The following GNG7 variants were observed in gnomAD, a reference collection of about 807,000 sequenced individuals.
The protein encoded by GNG7 is G protein subunit gamma 7.
GNG7 carries 1 observed loss-of-function variant against 4.0 expected under a neutral mutation model. The observed-to-expected ratio is 0.25, with a 90% confidence interval of 0.09 to 1.18. GNG7 has a LOEUF of 1.18. Ranked by LOEUF, GNG7 falls within the 50% of genes most tolerant of loss-of-function variation. The pLI is 0.50. For synonymous variants in GNG7, 34 were observed against 36.9 expected, an observed-to-expected ratio of 0.92 and a Z score of 0.29; for missense variants, 86 against 91.9, an observed-to-expected ratio of 0.94 and a Z score of 0.26.
intron 3 of GNG7, chr19:2,538,027 T>C (rs1978801627): frequency 2.4e-6 from 1 of 414,434 alleles, no homozygotes; most frequent in African/African-American, 2.1e-5. Context: ...TAGTGAGCTA[T>C]GATTGCGCCA....
At chr19:2,665,255 C>T (rs1983276360) in intron 1 of GNG7, among the ~76,000 whole-genome samples, 1 of 152,082 alleles carries the variant, frequency 6.6e-6, no homozygotes, top group Admixed American at 6.6e-5. Flanking sequence ...CCGTCCTGAG[C>T]ACTGCAGCAC....
At chr19:2,596,868 A>T (rs1287379797) in intron 2 of GNG7, among the ~76,000 whole-genome samples, 1 of 152,174 alleles carries the variant, frequency 6.6e-6, no homozygotes. Flanking sequence ...GTGAACATCA[A>T]TTCTTGGGGA....
chr19:2,591,419 G>A (rs1032781888), intron 2 of GNG7, among the ~76,000 whole-genome samples: 1 of 145,800 alleles, frequency 6.9e-6, no homozygotes, highest in Non-Finnish European at 1.5e-5. Context: ...AGATTTTCTA[G>A]TATGTCACTG....
chr19:2,681,587 G>A (rs1983737571), intron 1 of GNG7, among the ~76,000 whole-genome samples: 1 of 152,102 alleles, frequency 6.6e-6, no homozygotes, highest in South Asian at 2.1e-4. Flanking sequence ...CTTGCGCAGT[G>A]TTTGTGTGGA....
rs147622299 is a variant in GNG7 at position 2,512,135 on chromosome 19, TGA to T, written c.*2885_*2886del. 3,782 of 985,816 alleles carry T rather than the reference TGA, an allele frequency of 3.8e-3. 114 individuals are homozygous for T. In the African/African-American group the frequency reaches 0.058, roughly 15 times the overall value. 61.1% of individuals were successfully genotyped at this position (985,816 alleles called of 1,614,324 possible). ...TAACTCTCTTTTCCCCTGGCGTAGC[TGA>T]GAGAGGCTTGTCCCCCCAAGGCTAG... On this transcript the variant is annotated 3_prime_UTR_variant, in exon 5 of 5. Transcript: ENST00000382159. The surrounding 1 kb of genome is among the most constrained non-coding windows in gnomAD (Gnocchi z 4.7).
At chr19:2,663,698 A>G (rs1285932672) in intron 1 of GNG7, among the ~76,000 whole-genome samples, 3 of 152,230 alleles carry the variant, frequency 2.0e-5, no homozygotes, top group African/African-American at 7.2e-5. Context: ...AGGGCAAATC[A>G]GAAGAATGAC....
At position 2,557,356 on chromosome 19, in the gene GNG7, G is replaced by A. The variant is rs894822146; in HGVS notation, c.-77-2168C>T. On this transcript the variant is annotated intron_variant, in intron 2 of 4. Transcript: ENST00000382159. The surrounding 1 kb of genome is among the most constrained non-coding windows in gnomAD (Gnocchi z 5.1). ...AGACACACACATGTGCACACACACA[G>A]ACACACACACACGTGCACGCACACA... Among the ~76,000 whole-genome samples the A allele has an allele frequency of 1.1e-5, 1 of 94,022 alleles. No homozygotes were observed. Among genetic ancestry groups the A allele is most frequent in the African/African-American group, 3.4e-5 (1 of 29,286 alleles). 61.7% of individuals were successfully genotyped at this position (94,022 alleles called of 152,430 possible).
chr19:2,642,636 G>A (rs1193327392), intron 2 of GNG7: 12 of 373,962 alleles, frequency 3.2e-5, no homozygotes, highest in South Asian at 2.0e-4. Context: ...CACTAGCAGG[G>A]ACTACAGGTG....
intron 2 of GNG7, among the ~76,000 whole-genome samples, chr19:2,603,226 C>T (rs547519793): frequency 2.1e-4 from 32 of 152,100 alleles, no homozygotes; most frequent in Non-Finnish European, 3.4e-4. Context: ...ACCACCATGC[C>T]TGGCTAATTT....
intron 1 of GNG7, among the ~76,000 whole-genome samples, chr19:2,662,770 G>A (rs1983212683): frequency 6.6e-6 from 1 of 152,054 alleles, no homozygotes; most frequent in South Asian, 2.1e-4. Flanking sequence ...ACTGGCCACT[G>A]GTCATCACCT....
intron 2 of GNG7, among the ~76,000 whole-genome samples, chr19:2,593,274 C>T (rs942740425): frequency 6.6e-6 from 1 of 151,864 alleles, no homozygotes; most frequent in South Asian, 2.1e-4. Context: ...CTCTGCCTCT[C>T]TTAAAAATGT....
chr19:2,655,944 G>A (rs1358608064), intron 1 of GNG7, among the ~76,000 whole-genome samples: 1 of 147,758 alleles, frequency 6.8e-6, no homozygotes, highest in Non-Finnish European at 1.5e-5. Flanking sequence ...AGAATCACTT[G>A]AACCTGGGAG....
At position 2,514,986 on chromosome 19, in the gene GNG7, AAGAG is replaced by A. The variant is rs758973520; in HGVS notation, c.*32_*35del. ...ACAGAGACAGAGAGAGAGAGAGAGA[AAGAG>A]AGAGAGAGAGAGAGAACATATGAGA... On this transcript the variant is annotated 3_prime_UTR_variant, in exon 5 of 5. Coordinates refer to ENST00000382159, the MANE Select transcript of GNG7 (RefSeq NM_052847.3). The A allele has an allele frequency of 2.0e-4, 213 of 1,049,342 alleles. No homozygotes were observed. The highest frequency in any genetic ancestry group is 9.5e-4 in the Middle Eastern group (4 of 4,230). 65.0% of individuals were successfully genotyped at this position (1,049,342 alleles called of 1,614,324 possible).
At chr19:2,542,367 C>T (rs939733518) in intron 3 of GNG7, among the ~76,000 whole-genome samples, 3 of 152,002 alleles carry the variant, frequency 2.0e-5, no homozygotes, top group Non-Finnish European at 4.4e-5. Flanking sequence ...CCACCCACCG[C>T]GGCCTCCCAA....
intron 1 of GNG7, among the ~76,000 whole-genome samples, chr19:2,694,714 G>A (rs1334329501): frequency 6.6e-6 from 1 of 152,064 alleles, no homozygotes; most frequent in East Asian, 1.9e-4. Context: ...CAGCAGGGCA[G>A]AGGATCATGG....
intron 2 of GNG7, among the ~76,000 whole-genome samples, chr19:2,587,122 T>C (rs1980698927): frequency 6.6e-6 from 1 of 151,728 alleles, no homozygotes; most frequent in African/African-American, 2.4e-5. Context: ...CCCCAGGGGC[T>C]AGGATCAGCC....
At chr19:2,601,668 C>T (rs1055413668) in intron 2 of GNG7, among the ~76,000 whole-genome samples, 3 of 151,396 alleles carry the variant, frequency 2.0e-5, no homozygotes, top group South Asian at 4.2e-4. Flanking sequence ...ATCCCAAGCA[C>T]GTTGGGAGGC....
At chr19:2,696,341 A>AGAAAGAAG (rs1913259230) in intron 1 of GNG7, among the ~76,000 whole-genome samples, 1 of 146,994 alleles carries the variant, frequency 6.8e-6, no homozygotes, top group Non-Finnish European at 1.5e-5. Context: ...AAAGAAAGAA[A>AGAAAGAAG]GAAAGAAAAG....
At chr19:2,535,955 A>G (rs2144741459) in intron 3 of GNG7, among the ~76,000 whole-genome samples, 1 of 151,876 alleles carries the variant, frequency 6.6e-6, no homozygotes, top group South Asian at 2.1e-4. Context: ...GTGAAACCCC[A>G]CCTGTACAAA....
Sources: gnomAD v4.1 joint callset for allele counts (sites outside exome capture counted in the v4.1 genomes callset) on GRCh38, gnomAD v4.1.1 for gene constraint, Gnocchi (gnomAD v3.1) non-coding constraint, MANE v1.5 for transcripts, NCBI Gene and HGNC (gene_info 2026-07-23, HGNC 2026-07-21) for gene names.